Variants in CTTNBP2NL observed in about 807,000 individuals in gnomAD.
The protein encoded by CTTNBP2NL is CTTNBP2 N-terminal-like protein.
Under a neutral mutation model 32.5 loss-of-function variants are expected in CTTNBP2NL, and 16 were observed. The ratio of observed to expected loss-of-function variants is 0.49; its 90% confidence interval spans 0.33 to 0.75. The LOEUF is 0.75. Among genes scored for constraint, CTTNBP2NL ranks in the 30% least tolerant of loss-of-function variants. CTTNBP2NL has a pLI of 0.02. For missense variants in CTTNBP2NL, 645 were observed against 756.0 expected, an observed-to-expected ratio of 0.85 and a Z score of 1.72; for synonymous variants, 298 against 289.4, an observed-to-expected ratio of 1.03 and a Z score of -0.30.
Position 112,407,653 on chromosome 1 carries a change from A to T in CTTNBP2NL, c.-133-4541A>T, listed in dbSNP as rs528769905. Among the ~76,000 whole-genome samples the T allele has an allele frequency of 4.6e-5, 7 of 152,292 alleles. 1 individual carries two copies. Among genetic ancestry groups the T allele is most frequent in the Middle Eastern group, 6.8e-3 (2 of 294 alleles). ...TGGGAGGTACAAGTCAGCCTGTGTTATGTGTATTTAACACATGTATTATAG... is the reference window on the plus strand; with the variant it reads ...TGGGAGGTACAAGTCAGCCTGTGTTTTGTGTATTTAACACATGTATTATAG... On this transcript the variant is annotated intron_variant, in intron 1 of 5. Transcript: ENST00000271277.
In CTTNBP2NL at chr1:112,446,067, T is replaced by G. The variant is rs563286217; in HGVS notation, c.100-2875T>G. On this transcript the variant is annotated intron_variant, in intron 3 of 5. Transcript: ENST00000271277. Reference sequence around the variant, plus strand: ...ATTCCTTTACCATCACTAACCATACTGAAATGGCTATCATGAATAAGAAAT... The same window carrying G: ...ATTCCTTTACCATCACTAACCATACGGAAATGGCTATCATGAATAAGAAAT... Among the ~76,000 whole-genome samples, 8 of 152,318 alleles carry G rather than the reference T, an allele frequency of 5.3e-5. No homozygotes were observed. In the South Asian group the frequency reaches 1.7e-3, roughly 32 times the overall value.
chr1:112,393,028 T>G (rs1220229221), upstream of CTTNBP2NL, among the ~76,000 whole-genome samples: 1 of 152,116 alleles, frequency 6.6e-6, no homozygotes, highest in Non-Finnish European at 1.5e-5. Context: ...CAGCTAATTT[T>G]TGTATTGTTA....
chr1:112,391,108 G>A, the CTTNBP2NL span, among the ~76,000 whole-genome samples: 1 of 152,216 alleles, frequency 6.6e-6, no homozygotes, highest in South Asian at 2.1e-4. Context: ...AGAAGAGAAC[G>A]TTTAAGGACT....
intron 1 of CTTNBP2NL, among the ~76,000 whole-genome samples, chr1:112,397,667 T>A (rs1271721307): frequency 6.6e-6 from 1 of 152,226 alleles, no homozygotes; most frequent in Non-Finnish European, 1.5e-5. Flanking sequence ...CTCATGTTAA[T>A]GTCGTTGAAT....
chr1:112,429,601 A>G (rs1211092115), intron 3 of CTTNBP2NL, among the ~76,000 whole-genome samples: 1 of 152,206 alleles, frequency 6.6e-6, no homozygotes, highest in Admixed American at 6.5e-5. Flanking sequence ...GGCCTTTACA[A>G]TACAAATGTT....
intron 3 of CTTNBP2NL, among the ~76,000 whole-genome samples, chr1:112,425,734 G>T (rs1335636238): frequency 6.6e-6 from 1 of 151,648 alleles, no homozygotes; most frequent in Admixed American, 6.6e-5. Flanking sequence ...ATGGTAGCGT[G>T]CATCTGTAAC....
chr1:112,419,545 G>T lies in CTTNBP2NL; in HGVS notation c.99+3281G>T, dbSNP rs55850255. Among the ~76,000 whole-genome samples, 583 of 117,946 alleles carry T rather than the reference G, an allele frequency of 4.9e-3. 5 individuals carry two copies. The highest frequency in any genetic ancestry group is 0.015 in the African/African-American group (548 of 36,834). 77.4% of individuals were successfully genotyped at this position (117,946 alleles called of 152,430 possible). ...CAACCTCAGTTGTATCCAAGTTGTG[G>T]CACCAAAAATTAAAAAAAAAATAAC... On this transcript the variant is annotated intron_variant, in intron 3 of 5. Coordinates refer to ENST00000271277, the MANE Select transcript of CTTNBP2NL (RefSeq NM_018704.3).
At position 112,429,795 on chromosome 1, in the gene CTTNBP2NL, TAAAG is replaced by T. The variant is rs59428972; in HGVS notation, c.99+13540_99+13543del. Among the ~76,000 whole-genome samples, 492 of 152,222 alleles carry T rather than the reference TAAAG, an allele frequency of 3.2e-3. 1 individual carries two copies. The highest frequency in any genetic ancestry group is 0.011 in the African/African-American group (457 of 41,542). ...TAAAATGAAAGATCTTTATATATAATAAAGAAAGAAAGTCACAGAGCACTGTACT... is the reference window on the plus strand; with the variant it reads ...TAAAATGAAAGATCTTTATATATAATAAAGAAAGTCACAGAGCACTGTACT... On this transcript the variant is annotated intron_variant, in intron 3 of 5. Transcript: ENST00000271277.
chr1:112,441,927 G>A (rs960288733), intron 3 of CTTNBP2NL, among the ~76,000 whole-genome samples: 1 of 151,776 alleles, frequency 6.6e-6, no homozygotes, highest in Non-Finnish European at 1.5e-5. Flanking sequence ...ACGGTCTCCC[G>A]AAAAAAGAGA....
chr1:112,454,137 T>G (rs910329205), intron 4 of CTTNBP2NL, among the ~76,000 whole-genome samples: 4 of 152,184 alleles, frequency 2.6e-5, no homozygotes, highest in African/African-American at 9.7e-5. Context: ...GCCTGCAGTT[T>G]CTTGGAATTT....
At chr1:112,451,888 T>C (rs1178531390) in intron 4 of CTTNBP2NL, among the ~76,000 whole-genome samples, 2 of 152,106 alleles carry the variant, frequency 1.3e-5, no homozygotes, top group Admixed American at 1.3e-4. Flanking sequence ...AGGTTCCATC[T>C]CTTTGGGGCT....
intron 3 of CTTNBP2NL, among the ~76,000 whole-genome samples, chr1:112,438,001 G>A (rs894272892): frequency 6.6e-5 from 10 of 152,146 alleles, no homozygotes; most frequent in African/African-American, 2.4e-4. Flanking sequence ...ATTGCATTTG[G>A]TGTCTTTGTC....
upstream of CTTNBP2NL, among the ~76,000 whole-genome samples, chr1:112,394,607 G>A (rs920173618): frequency 1.3e-5 from 2 of 152,062 alleles, no homozygotes; most frequent in African/African-American, 4.8e-5. Flanking sequence ...CACTGCTATC[G>A]AGCACCTTCA....
intron 3 of CTTNBP2NL, among the ~76,000 whole-genome samples, chr1:112,440,371 A>G (rs945717420): frequency 1.3e-5 from 2 of 152,232 alleles, no homozygotes; most frequent in East Asian, 1.9e-4. Flanking sequence ...TAGAATTTGC[A>G]TGTTTATCAT....
chr1:112,456,554 A>G lies in CTTNBP2NL; in HGVS notation c.1062A>G (p.Pro354=). 6.2e-7 allele frequency: 1 copy of G among 1,614,202 alleles called. No individual in the cohort carries two copies. The highest frequency in any genetic ancestry group is 8.5e-7 in the Non-Finnish European group (1 of 1,180,036). ...SYAKTNGHCD[P]EIQTTRELTA... ...CAAAAACCAATGGCCATTGTGACCCAGAGATACAAACTACCAGGGAGCTGA... is the reference window on the plus strand; with the variant it reads ...CAAAAACCAATGGCCATTGTGACCCGGAGATACAAACTACCAGGGAGCTGA... Residue 354 remains proline, a synonymous_variant, in exon 6 of 6, where the codon CCA becomes CCG. Transcript: ENST00000271277.
chr1:112,397,463 G>T (rs1364704816), intron 1 of CTTNBP2NL, among the ~76,000 whole-genome samples: 2 of 152,108 alleles, frequency 1.3e-5, no homozygotes, highest in Non-Finnish European at 2.9e-5. Flanking sequence ...TGTATATTTT[G>T]ATTGGTTTTA....
chr1:112,419,118 AT>A (rs1442477677), intron 3 of CTTNBP2NL, among the ~76,000 whole-genome samples: 1 of 152,220 alleles, frequency 6.6e-6, no homozygotes, highest in East Asian at 1.9e-4. Flanking sequence ...CAATCATAAA[AT>A]AGGGATATCC....
rs150219384 is a variant in CTTNBP2NL at position 112,439,329 on chromosome 1, T to C, written c.100-9613T>C. On this transcript the variant is annotated intron_variant, in intron 3 of 5. Coordinates refer to ENST00000271277, the MANE Select transcript of CTTNBP2NL (RefSeq NM_018704.3). ...TGATAACTTCTAAATATGAATAGTT[T>C]CTACTTCTTAACCAAGATAAGGCCC... is the stretch of plus-strand genomic sequence containing the variant. Among the ~76,000 whole-genome samples, 52 of 152,346 alleles carry C rather than the reference T, an allele frequency of 3.4e-4. No homozygotes were observed. The East Asian group carries it at 9.3e-3, about 27-fold the overall frequency.
chr1:112,451,266 C>T (rs1650207695), intron 4 of CTTNBP2NL, among the ~76,000 whole-genome samples: 1 of 151,300 alleles, frequency 6.6e-6, no homozygotes, highest in Non-Finnish European at 1.5e-5. Context: ...CCCCGCCTCC[C>T]TTTCCTCTCC....
Sources: allele counts gnomAD v4.1 joint callset (sites outside exome capture counted in the v4.1 genomes callset), GRCh38; gene constraint gnomAD v4.1.1; transcripts MANE v1.5; gene names NCBI Gene and HGNC (gene_info 2026-07-23, HGNC 2026-07-21).